GPATCH8: variants seen among roughly 807,000 people sequenced by gnomAD.
GPATCH8 encodes G patch domain-containing protein 8.
A neutral mutation model predicts 118.3 loss-of-function variants in GPATCH8; 18 were observed. The ratio of observed to expected loss-of-function variants is 0.15; its 90% CI spans 0.11 to 0.23. The LOEUF (loss-of-function observed/expected upper bound fraction) is 0.23. Ranked by LOEUF, GPATCH8 falls within the 10% of genes least tolerant of loss-of-function variation. GPATCH8 has a pLI of 1.00. For synonymous variants in GPATCH8, 659 were observed against 684.7 expected, an observed-to-expected ratio of 0.96 and a Z score of 0.59; for missense variants, 1,631 against 1,873.8, an observed-to-expected ratio of 0.87 and a Z score of 2.39.
chr17:44,442,700 A>G (rs995261577), intron 3 of GPATCH8, among the ~76,000 whole-genome samples: 2 of 152,216 alleles, frequency 1.3e-5, no homozygotes, highest in Non-Finnish European at 2.9e-5. Flanking sequence ...CCTGGGCTTG[A>G]GTGATCTGCT....
chr17:44,401,662 A>G (rs1191608204), intron 7 of GPATCH8, among the ~76,000 whole-genome samples: 2 of 152,168 alleles, frequency 1.3e-5, no homozygotes, highest in African/African-American at 4.8e-5. Flanking sequence ...TTAACCTACC[A>G]AATTCCCAGG....
At chr17:44,425,562 G>A (rs2050060866) in intron 5 of GPATCH8, among the ~76,000 whole-genome samples, 1 of 152,116 alleles carries the variant, frequency 6.6e-6, no homozygotes, top group East Asian at 1.9e-4. Context: ...ACGACTTGTG[G>A]CTTTTTTGCC....
intron 1 of GPATCH8, among the ~76,000 whole-genome samples, chr17:44,490,978 G>A (rs1220665892): frequency 6.6e-6 from 1 of 152,144 alleles, no homozygotes; most frequent in African/African-American, 2.4e-5. Context: ...TTTGCTAACT[G>A]GTGCTGATTC....
chr17:44,486,033 T>C (rs971520624), intron 1 of GPATCH8: 4 of 152,238 alleles, frequency 2.6e-5, no homozygotes, highest in African/African-American at 9.7e-5. Flanking sequence ...TAACTGGGAC[T>C]ACAGGCATGT....
intron 2 of GPATCH8, among the ~76,000 whole-genome samples, chr17:44,466,171 A>G (rs981932413): frequency 1.3e-5 from 2 of 151,902 alleles, no homozygotes; most frequent in Non-Finnish European, 2.9e-5. Context: ...CTATGCCTGG[A>G]TAATTTTTTT....
At chr17:44,500,937 T>G (rs1970012246) in intron 1 of GPATCH8, among the ~76,000 whole-genome samples, 1 of 152,208 alleles carries the variant, frequency 6.6e-6, no homozygotes, top group African/African-American at 2.4e-5. Flanking sequence ...AATACATCAT[T>G]AAATGAAAGT....
chr17:44,413,361 C>T (rs1331504479), intron 6 of GPATCH8, among the ~76,000 whole-genome samples: 2 of 152,054 alleles, frequency 1.3e-5, no homozygotes, highest in Non-Finnish European at 2.9e-5. Flanking sequence ...ACCTCCGCCT[C>T]CCACATTCAA....
Position 44,399,210 on chromosome 17 carries a change from G to A in GPATCH8, c.2867C>T (p.Ser956Phe), listed in dbSNP as rs142791383. 587 of 1,613,836 alleles carry A rather than the reference G, an allele frequency of 3.6e-4. No individual in the cohort carries two copies. The highest frequency in any genetic ancestry group is 4.8e-4 in the Non-Finnish European group (571 of 1,179,792). The change falls in exon 8 of 8, where the codon TCC (serine) becomes TTC (phenylalanine). Residue 956 changes from serine (S) to phenylalanine (F), a missense_variant. This residue lies in a region of GPATCH8 where 922 missense variants were observed against 879.7 expected (regional missense o/e 1.05). Coordinates refer to ENST00000591680, the MANE Select transcript of GPATCH8 (RefSeq NM_001002909.4). ...SRSHTRERSRSRGRSRSSSCS... is the reference protein window; with the variant it reads ...SRSHTRERSRFRGRSRSSSCS... ...ACTGCTGCTGCGGCTGCGGCCCCGG[G>A]ATCTTGAGCGCTCTCTGGTATGACT...
intron 5 of GPATCH8, among the ~76,000 whole-genome samples, chr17:44,430,217 G>C (rs1449000373): frequency 6.6e-6 from 1 of 152,080 alleles, no homozygotes. Context: ...CTGATACAAA[G>C]ACATTACAAG....
chr17:44,449,667 C>T (rs548866475), intron 3 of GPATCH8, among the ~76,000 whole-genome samples: 1 of 152,158 alleles, frequency 6.6e-6, no homozygotes, highest in East Asian at 1.9e-4. Context: ...CAGGCATGCA[C>T]CACAACGCCC....
intron 6 of GPATCH8, among the ~76,000 whole-genome samples, chr17:44,416,489 C>A (rs962147157): frequency 1.3e-5 from 2 of 152,094 alleles, no homozygotes; most frequent in African/African-American, 4.8e-5. Flanking sequence ...GCAAAACAGA[C>A]CCCAAGAAAA....
chr17:44,462,960 G>A lies in GPATCH8; in HGVS notation c.193+1512C>T, dbSNP rs552292918. Among the ~76,000 whole-genome samples, 107 of 149,990 alleles carry A rather than the reference G, an allele frequency of 7.1e-4. 1 individual carries two copies. Among genetic ancestry groups the A allele is most frequent in the African/African-American group, 2.4e-3 (97 of 40,702 alleles). ...CGCGCCGCTGCACTCTAGCCTGGGC[G>A]ACAGAGCGAGACTCCACTTCAAAAT... On this transcript the variant is annotated intron_variant, in intron 3 of 7. Coordinates refer to ENST00000591680, the MANE Select transcript of GPATCH8 (RefSeq NM_001002909.4).
intron 3 of GPATCH8, among the ~76,000 whole-genome samples, chr17:44,456,864 G>C (rs1002269346): frequency 4.0e-5 from 6 of 151,182 alleles, no homozygotes; most frequent in Admixed American, 2.6e-4. Context: ...TACAAGTACA[G>C]AACAATTTTT....
Position 44,400,129 on chromosome 17 carries a change from T to C in GPATCH8, c.1948A>G (p.Ser650Gly). 6.2e-7 allele frequency: 1 copy of C among 1,614,008 alleles called. No individual in the cohort carries two copies. Among genetic ancestry groups the C allele is most frequent in the Non-Finnish European group, 8.5e-7 (1 of 1,180,020 alleles). The part of the protein sequence containing the change: ...SGLNKQEPGG[S>G]HGSETEDTGR... ...GTGTCTTCTGTCTCAGACCCATGGCTACCCCCAGGCTCCTGCTTGTTCAGG... is the reference window on the plus strand; with the variant it reads ...GTGTCTTCTGTCTCAGACCCATGGCCACCCCCAGGCTCCTGCTTGTTCAGG... The change falls in exon 8 of 8, where the codon AGC becomes GGC. Residue 650 changes from serine (S) to glycine (G), a missense_variant. Physicochemically the swap from Ser to Gly is moderately conservative, Grantham distance 56. Around this residue, in one of 8 missense-constraint regions of GPATCH8, gnomAD observed 922 missense variants for 879.7 expected, o/e 1.05. Coordinates refer to ENST00000591680, the MANE Select transcript of GPATCH8 (RefSeq NM_001002909.4).
chr17:44,418,475 G>C (rs1181558905), intron 6 of GPATCH8, among the ~76,000 whole-genome samples: 1 of 142,334 alleles, frequency 7.0e-6, no homozygotes, highest in African/African-American at 2.6e-5. Context: ...TTTTTTTTGA[G>C]ATGGAGTCTT....
chr17:44,395,962 C>T lies in GPATCH8; in HGVS notation c.*1606G>A, dbSNP rs894536010. 4 of 454,278 alleles carry T rather than the reference C, an allele frequency of 8.8e-6. No individual in the cohort carries two copies. Among genetic ancestry groups the T allele is most frequent in the African/African-American group, 8.0e-5 (4 of 49,988 alleles). The allele number at this position is 454,278 out of a possible 1,614,324, so 28.1% of individuals were successfully genotyped here. Reference sequence around the variant, plus strand: ...AAAAGAGGCTGAGGTGGTAATTCCTCTTGTCAGTGTCATGGGAGAAAAGAA... The same window carrying T: ...AAAAGAGGCTGAGGTGGTAATTCCTTTTGTCAGTGTCATGGGAGAAAAGAA... On this transcript the variant is annotated 3_prime_UTR_variant, in exon 8 of 8. Transcript: ENST00000591680.
rs865860713 is a variant in GPATCH8 at position 44,477,441 on chromosome 17, G to A, written c.46-2538C>T. Among the ~76,000 whole-genome samples the A allele has an allele frequency of 2.0e-5, 3 of 152,148 alleles. No individual in the cohort carries two copies. The South Asian group carries it at 6.2e-4, about 32-fold the overall frequency. On this transcript the variant is annotated intron_variant, in intron 1 of 7. Coordinates refer to ENST00000591680, the MANE Select transcript of GPATCH8 (RefSeq NM_001002909.4). ...TAAGAGAAGGGGGTCTCACTATGTT[G>A]CCCAGGCTGCCTTCAAACTCCTGGG...
chr17:44,436,531 T>C lies in GPATCH8; in HGVS notation c.208A>G (p.Ile70Val). The C allele has an allele frequency of 6.7e-7, 1 of 1,502,350 alleles. No homozygotes were observed. 93.1% of individuals were successfully genotyped at this position (1,502,350 alleles called of 1,614,324 possible). Reference protein sequence around the residue: ...GKSLQGRTDPIPIVVKYDVMG... With the variant: ...GKSLQGRTDPVPIVVKYDVMG... ...ACATCATACTTGACAACGATTGGAA[T>C]GGGATCTGTTCTCCCTGTAACAGGA... The change falls in exon 4 of 8, where the codon ATT becomes GTT. Residue 70 changes from isoleucine (I) to valine (V), a missense_variant. Ile to Val is a conservative substitution (Grantham distance 29). Transcript: ENST00000591680.
intron 1 of GPATCH8, among the ~76,000 whole-genome samples, chr17:44,493,188 G>C (rs1163257624): frequency 6.6e-6 from 1 of 151,050 alleles, no homozygotes; most frequent in East Asian, 2.0e-4. Context: ...CCCCTCCGCA[G>C]TAGGTGGGAC....
Sources: gnomAD v4.1 joint callset for allele counts (sites outside exome capture counted in the v4.1 genomes callset) on GRCh38, gnomAD v4.1.1 for gene constraint, gnomAD v4.1.1 regional missense constraint, MANE v1.5 for transcripts, NCBI Gene and HGNC (gene_info 2026-07-23, HGNC 2026-07-21) for gene names.